SORD: variants seen among roughly 807,000 people sequenced by gnomAD.
SORD encodes (R,R)-butanediol dehydrogenase.
SORD carries 18 observed loss-of-function variants against 35.6 expected under a neutral mutation model. The ratio of observed to expected loss-of-function variants is 0.51; its 90% CI spans 0.35 to 0.75. The LOEUF (loss-of-function observed/expected upper bound fraction) is 0.75, where lower values mean the gene tolerates loss of function less well. Among genes scored for constraint, SORD ranks in the 30% least tolerant of loss-of-function variants. SORD has a pLI of 0.01. For missense variants in SORD, 250 were observed against 390.2 expected, an observed-to-expected ratio of 0.64 and a Z score of 3.03; for synonymous variants, 106 against 152.9, an observed-to-expected ratio of 0.69 and a Z score of 2.26.
chr15:45,034,145 T>C (rs61117063), intron 1 of SORD, among the ~76,000 whole-genome samples: 1,956 of 151,404 alleles, frequency 0.013, 42 homozygotes, highest in African/African-American at 0.046. Context: ...TTACTTCTTT[T>C]GTAATAAGAG....
chr15:45,068,147 T>A, intron 5 of SORD, 34 bp from the exon 6 acceptor site: 2 of 1,573,892 alleles, frequency 1.3e-6, no homozygotes, highest in Non-Finnish European at 1.7e-6. Flanking sequence ...TGTTTAATAT[T>A]TCACGAACAT....
At chr15:45,072,611 G>A (rs56194896) in intron 8 of SORD, among the ~76,000 whole-genome samples, 173 bp downstream of exon 8, 2,225 of 144,352 alleles carry the variant, frequency 0.015, 35 homozygotes, top group Non-Finnish European at 0.02. Flanking sequence ...CTCACTGCCA[G>A]TTAAAGAATG....
chr15:45,027,420 G>A (rs1402707442), intron 1 of SORD, among the ~76,000 whole-genome samples: 1 of 152,258 alleles, frequency 6.6e-6, no homozygotes, highest in African/African-American at 2.4e-5. Flanking sequence ...TTCATCTTTG[G>A]TTGTATGAGG....
chr15:45,024,723 T>C (rs1465993488), intron 1 of SORD, among the ~76,000 whole-genome samples: 1 of 152,018 alleles, frequency 6.6e-6, no homozygotes, highest in African/African-American at 2.4e-5. Flanking sequence ...TCCACAAACA[T>C]TCACTCATGA....
chr15:45,045,049 T>C (rs575797627), intron 3 of SORD, among the ~76,000 whole-genome samples: 1 of 152,294 alleles, frequency 6.6e-6, no homozygotes, highest in South Asian at 2.1e-4. Flanking sequence ...ATTATCTTCA[T>C]TAATTGAAGA....
intron 3 of SORD, among the ~76,000 whole-genome samples, chr15:45,049,790 G>A (rs1189522640): frequency 6.6e-6 from 1 of 152,152 alleles, no homozygotes; most frequent in Non-Finnish European, 1.5e-5. Flanking sequence ...TTGGTTCACA[G>A]GAATAAGCAT....
intron 1 of SORD, among the ~76,000 whole-genome samples, chr15:45,026,635 A>C (rs1313249881): frequency 6.6e-6 from 1 of 152,248 alleles, no homozygotes; most frequent in Non-Finnish European, 1.5e-5. Context: ...GGAAACTCTC[A>C]TTCCTAAGAT....
intron 3 of SORD, among the ~76,000 whole-genome samples, chr15:45,054,948 A>G (rs1347968155): frequency 6.6e-6 from 1 of 152,166 alleles, no homozygotes; most frequent in Non-Finnish European, 1.5e-5. Context: ...CAAAGATCAG[A>G]TAGTTGTAGA....
At chr15:45,070,069 T>A (rs190226300) in intron 7 of SORD, 92 of 152,248 alleles carry the variant, frequency 6.0e-4, no homozygotes, top group African/African-American at 2.1e-3. Context: ...TGAGGCCTAA[T>A]CTGCACAATA....
chr15:45,068,962 C>T lies in SORD; in HGVS notation c.696C>T (p.Ile232=), dbSNP rs144635546. ...LQISKESPQE[I]ARKVEGQLGC... ...TCTCCAAGGAGAGCCCTCAGGAAATCGCCAGGAAAGTAGAAGGTCAGCTGG... is the reference window on the plus strand; with the variant it reads ...TCTCCAAGGAGAGCCCTCAGGAAATTGCCAGGAAAGTAGAAGGTCAGCTGG... Residue 232 remains isoleucine, a synonymous_variant, in exon 7 of 9, where the codon ATC becomes ATT. Coordinates refer to ENST00000267814, the MANE Select transcript of SORD (RefSeq NM_003104.6). 1.3e-3 allele frequency: 2,086 copies of T among 1,602,222 alleles called. 15 individuals are homozygous for T. The highest frequency in any genetic ancestry group is 5.2e-3 in the South Asian group (465 of 88,714).
chr15:45,029,379 G>C (rs879425964), intron 1 of SORD, among the ~76,000 whole-genome samples: 30,887 of 150,216 alleles, frequency 0.21, no homozygotes, highest in African/African-American at 0.44. Context: ...GACCTGTGGA[G>C]TACTGGGCCT....
chr15:45,053,754 A>G (rs527450861), intron 3 of SORD, among the ~76,000 whole-genome samples: 5 of 148,696 alleles, frequency 3.4e-5, no homozygotes, highest in Admixed American at 1.3e-4. Flanking sequence ...TTAACTCATC[A>G]TTTAGCATTA....
intron 3 of SORD, among the ~76,000 whole-genome samples, chr15:45,048,503 G>A (rs994176189): frequency 5.9e-5 from 9 of 152,152 alleles, no homozygotes; most frequent in Admixed American, 2.6e-4. Context: ...GAGCCTGGGG[G>A]TTTGAGACTA....
At position 45,041,456 on chromosome 15, in the gene SORD, C is replaced by G. The variant is rs140984994; in HGVS notation, c.100+1015C>G. Among the ~76,000 whole-genome samples the G allele has an allele frequency of 6.5e-3, 995 of 152,070 alleles. 9 individuals are homozygous for G. The highest frequency in any genetic ancestry group is 8.4e-3 in the Non-Finnish European group (572 of 67,986). ...CTTTCCCACTTTGTCCTACCTCACA[C>G]CAGAACCGCAGCTTCTGGGTGAACA... is the stretch of plus-strand genomic sequence containing the variant. On this transcript the variant is annotated intron_variant, in intron 2 of 8. Coordinates refer to ENST00000267814, the MANE Select transcript of SORD (RefSeq NM_003104.6).
rs1893367383 is a variant in SORD, at chr15:45,064,081, C to T, written c.426-1190C>T. On this transcript the variant is annotated intron_variant, in intron 4 of 8. Coordinates refer to ENST00000267814, the MANE Select transcript of SORD (RefSeq NM_003104.6). ...TCATGGGGATGAGCACATGGTTTGG[C>T]TGTCACATTTATTTCTTTTTGGAAC... Among the ~76,000 whole-genome samples the T allele has an allele frequency of 7.4e-5, 11 of 149,228 alleles. No homozygotes were observed. The South Asian group carries it at 2.5e-3, about 33-fold the overall frequency.
chr15:45,034,392 C>G (rs1218463013), intron 1 of SORD, among the ~76,000 whole-genome samples: 1 of 151,940 alleles, frequency 6.6e-6, no homozygotes, highest in Non-Finnish European at 1.5e-5. Flanking sequence ...TTGCTACAAC[C>G]CAAGCAAGAC....
chr15:45,065,498 T>G (rs1359265220), intron 5 of SORD, 109 bp downstream of exon 5: 52 of 1,488,608 alleles, frequency 3.5e-5, no homozygotes, highest in Non-Finnish European at 4.7e-5. Flanking sequence ...AGAATCCTTC[T>G]GGGTAAGGGA....
chr15:45,023,332 C>T lies in SORD; in HGVS notation c.49C>T (p.Pro17Ser), dbSNP rs1399777175. 1 of 1,586,926 alleles carries T rather than the reference C, an allele frequency of 6.3e-7. No homozygotes were observed. Among genetic ancestry groups the T allele is most frequent in the Non-Finnish European group, 8.6e-7 (1 of 1,167,874 alleles). ...PNNLSLVVHG[P>S]GDLRLENYPI... ...CAACCTTTCCCTGGTGGTGCACGGA[C>T]CGGGGGACTTGCGCCTGGTAAGCTG... The change falls in exon 1 of 9, where the codon CCG becomes TCG. Residue 17 changes from proline to serine, a missense_variant. By Grantham distance (74) the Pro-to-Ser change is moderately conservative (BLOSUM62 -1). Transcript: ENST00000267814.
At chr15:45,036,755 C>A (rs1043802819) in intron 1 of SORD, among the ~76,000 whole-genome samples, 4 of 151,836 alleles carry the variant, frequency 2.6e-5, no homozygotes, top group South Asian at 2.1e-4. Context: ...GTTTAGGAAA[C>A]CTTTAATATG....
Sources: gnomAD v4.1 joint callset for allele counts (sites outside exome capture counted in the v4.1 genomes callset) on GRCh38, gnomAD v4.1.1 for gene constraint, MANE v1.5 for transcripts, NCBI Gene and HGNC (gene_info 2026-07-23, HGNC 2026-07-21) for gene names.